PHKG2: variants seen among roughly 807,000 people sequenced by gnomAD.
The protein encoded by PHKG2 is phosphorylase kinase catalytic subunit gamma 2, also known as phosphorylase b kinase gamma catalytic chain, liver/testis isoform.
Under a neutral mutation model 44.5 loss-of-function variants are expected in PHKG2, and 28 were observed. The ratio of observed to expected loss-of-function variants is 0.63; its 90% CI spans 0.47 to 0.86. The LOEUF (loss-of-function observed/expected upper bound fraction) is 0.86, where lower values mean the gene tolerates loss of function less well. Ranked by LOEUF, PHKG2 falls within the 40% of genes least tolerant of loss-of-function variation. The pLI, the probability that PHKG2 is intolerant of heterozygous loss-of-function variation, is 0.00. For synonymous variants in PHKG2, 220 were observed against 211.2 expected (o/e 1.04, Z -0.36); for missense variants, 498 against 547.5 (o/e 0.91, Z 0.90).
Position 30,759,072 on chromosome 16 carries a change from G to C in PHKG2, c.*1975G>C. On this transcript the variant is annotated 3_prime_UTR_variant, in exon 10 of 10. Transcript: ENST00000563588. ...TCCTCTTTCTGCGGGGTAACTGCCT[G>C]CTCCTCCATCTCCTTGCTTTCTTCT... The C allele has an allele frequency of 6.2e-7, 1 of 1,614,202 alleles. No homozygotes were observed.
Position 30,759,800 on chromosome 16 carries a change from T to G in PHKG2, c.*2703T>G, listed in dbSNP as rs771119546. 2 of 1,532,356 alleles carry G rather than the reference T, an allele frequency of 1.3e-6. No individual in the cohort carries two copies. The highest frequency in any genetic ancestry group is 4.5e-5 in the East Asian group (2 of 44,126). 94.9% of individuals were successfully genotyped at this position (1,532,356 alleles called of 1,614,324 possible). ...ATTCACTTCACTCAACAGCTGTTTATGACCATGAGCTTCAGAAGCAGACAG... is the reference window on the plus strand; with the variant it reads ...ATTCACTTCACTCAACAGCTGTTTAGGACCATGAGCTTCAGAAGCAGACAG... On this transcript the variant is annotated 3_prime_UTR_variant, in exon 10 of 10. Coordinates refer to ENST00000563588, the MANE Select transcript of PHKG2 (RefSeq NM_000294.3).
At chr16:30,749,591 G>A (rs1348896408) in intron 2 of PHKG2, among the ~76,000 whole-genome samples, 1 of 152,102 alleles carries the variant, frequency 6.6e-6, no homozygotes, top group African/African-American at 2.4e-5. Flanking sequence ...TGATCTGCCC[G>A]CCTCAGCCTC....
At position 30,758,024 on chromosome 16, in the gene PHKG2, C is replaced by CTCTA; in HGVS notation, c.*927_*928insTCTA. On this transcript the variant is annotated 3_prime_UTR_variant, in exon 10 of 10. Transcript: ENST00000563588. ...AATGCTTAGAGCAGGGCATGCACTGCACACCTATTGCCAAGTATGTGCTGG... is the reference window on the plus strand; with the variant it reads ...AATGCTTAGAGCAGGGCATGCACTGCTCTAACACCTATTGCCAAGTATGTGCTGG... 1 of 191,112 alleles carries CTCTA rather than the reference C, an allele frequency of 5.2e-6. No homozygotes were observed. The highest frequency in any genetic ancestry group is 1.0e-5 in the Non-Finnish European group (1 of 96,156). 11.8% of individuals were successfully genotyped at this position (191,112 alleles called of 1,614,324 possible). A position where few individuals can be genotyped will look rare whatever the true frequency, so the allele number is the denominator to read the frequency against.
rs2053632110 is a variant in PHKG2 at position 30,759,918 on chromosome 16, AAGAC to A, written c.*2827_*2830del. Reference sequence around the variant, plus strand: ...CACTGTATGGTTTTCGGCACTGAACAAGACAGACAAGGTCCTGCCCTTACGAAGC... The same window carrying A: ...CACTGTATGGTTTTCGGCACTGAACAAGACAAGGTCCTGCCCTTACGAAGC... On this transcript the variant is annotated 3_prime_UTR_variant, in exon 10 of 10. Coordinates refer to ENST00000563588, the MANE Select transcript of PHKG2 (RefSeq NM_000294.3). 1 of 1,440,262 alleles carries A rather than the reference AAGAC, an allele frequency of 6.9e-7. No individual in the cohort carries two copies. Among genetic ancestry groups the A allele is most frequent in the East Asian group, 2.5e-5 (1 of 40,310 alleles). 89.2% of individuals were successfully genotyped at this position (1,440,262 alleles called of 1,614,324 possible).
rs775605133 is a variant in PHKG2, at chr16:30,751,290, G to A, written c.271+9G>A. ...CGGCCACCCCCACATCAGTGAGGCT[G>A]TCTTCCTTGCTCCTGTTAGCAGACG... On this transcript the variant is annotated intron_variant, in intron 3 of 9. Transcript: ENST00000563588. 4 of 1,608,016 alleles carry A rather than the reference G, an allele frequency of 2.5e-6. No homozygotes were observed. The highest frequency in any genetic ancestry group is 2.2e-5 in the South Asian group (2 of 91,080).
At chr16:30,748,771 C>A in intron 1 of PHKG2, 32 bp from the exon 2 acceptor site, 1 of 1,400,972 alleles carries the variant, frequency 7.1e-7, no homozygotes, top group Non-Finnish European at 9.8e-7. Context: ...CTGTGGGCCT[C>A]CCTGCCCTCA....
rs2053451249 is a variant in PHKG2, at chr16:30,757,336, GAAATA to G, written c.*244_*248del. The G allele has an allele frequency of 2.0e-6, 3 of 1,529,468 alleles. No homozygotes were observed. Among genetic ancestry groups the G allele is most frequent in the African/African-American group, 1.4e-5 (1 of 72,378 alleles). The allele number at this position is 1,529,468 out of a possible 1,614,324, so 94.7% of individuals were successfully genotyped here. ...GGTCAGTGCTGCATGCACTGCATAT[GAAATA>G]AAATCTGCTACACGCCAGGGAGAAC... On this transcript the variant is annotated 3_prime_UTR_variant, in exon 10 of 10. Coordinates refer to ENST00000563588, the MANE Select transcript of PHKG2 (RefSeq NM_000294.3).
intron 7 of PHKG2, 34 bp from the exon 8 acceptor site, chr16:30,756,333 A>T (rs562893484): frequency 6.2e-7 from 1 of 1,613,948 alleles, no homozygotes; most frequent in South Asian, 1.1e-5. Flanking sequence ...TCTGCCCGTC[A>T]CCTAGTCCCG....
Position 30,756,934 on chromosome 16 carries a change from G to C in PHKG2, c.1058G>C (p.Cys353Ser). ...TCAGTGCGGCACCTCATCGACAACT[G>C]TGCCTTCCGGCTCTACGGGCACTGG... ...LRSVRHLIDN[C>S]AFRLYGHWVK... is the part of the protein sequence containing the mutation. Residue 353 changes from cysteine (C) to serine (S), a missense_variant, in exon 10 of 10, where the codon TGT becomes TCT. Transcript: ENST00000563588. 6.2e-7 allele frequency: 1 copy of C among 1,613,822 alleles called. No homozygotes were observed. The highest frequency in any genetic ancestry group is 8.5e-7 in the Non-Finnish European group (1 of 1,180,016).
At position 30,748,508 on chromosome 16, in the gene PHKG2, C is replaced by T; in HGVS notation, c.-19+18C>T. The T allele has an allele frequency of 2.1e-6, 1 of 474,320 alleles. No individual in the cohort carries two copies. Among genetic ancestry groups the T allele is most frequent in the Non-Finnish European group, 3.8e-6 (1 of 261,902 alleles). 29.4% of individuals were successfully genotyped at this position (474,320 alleles called of 1,614,324 possible). A position where few individuals can be genotyped will look rare whatever the true frequency, so the allele number is the denominator to read the frequency against. On this transcript the variant is annotated intron_variant, in intron 1 of 9. Transcript: ENST00000563588. Reference sequence around the variant, plus strand: ...CCCCTCAGGTGAGCCTGCGCTAGACCCCCGTCCCCTTCCTGCGCCCGCCCG... The same window carrying T: ...CCCCTCAGGTGAGCCTGCGCTAGACTCCCGTCCCCTTCCTGCGCCCGCCCG...
intron 2 of PHKG2, among the ~76,000 whole-genome samples, chr16:30,750,780 ATCTT>A (rs10577207): frequency 0.97 from 147,001 of 152,128 alleles, 71,182 homozygotes; most frequent in Middle Eastern, 1. Flanking sequence ...GGAGACTTAG[ATCTT>A]TCTTTCCCCT....
rs775246080 is a variant in PHKG2, at chr16:30,753,405, G to A, written c.404G>A (p.Arg135Gln). ...TCCCCTTCCCCCAGGTCCATCATGC[G>A]GTCTCTGCTGGAAGCAGTGAGCTTT... ...LSEKETRSIMRSLLEAVSFLH... is the reference protein window; with the variant it reads ...LSEKETRSIMQSLLEAVSFLH... The change falls in exon 6 of 10, where the codon CGG becomes CAG. Residue 135 changes from arginine to glutamine, a missense_variant. By Grantham distance (43) the Arg-to-Gln change is conservative. Transcript: ENST00000563588. 11 of 1,614,058 alleles carry A rather than the reference G, an allele frequency of 6.8e-6. No homozygotes were observed. The highest frequency in any genetic ancestry group is 9.3e-6 in the Non-Finnish European group (11 of 1,180,040).
In PHKG2 at chr16:30,757,506, A is replaced by C; in HGVS notation, c.*409A>C. ...TGGTCTTGCTCTTGCCTTTACCCGG[A>C]GGTAGCTGGAAGGGCCGCTCTAGTG... On this transcript the variant is annotated 3_prime_UTR_variant, in exon 10 of 10. Transcript: ENST00000563588. The C allele has an allele frequency of 6.2e-7, 1 of 1,614,014 alleles. No individual in the cohort carries two copies. Among genetic ancestry groups the C allele is most frequent in the Non-Finnish European group, 8.5e-7 (1 of 1,179,956 alleles).
Position 30,757,677 on chromosome 16 carries a change from G to T in PHKG2, c.*580G>T. 1 of 1,599,422 alleles carries T rather than the reference G, an allele frequency of 6.3e-7. No individual in the cohort carries two copies. ...GGCCTGCAGGGGCAGGGAAGAAGGG[G>T]CAGGGTGAGGAGAGATGCTGTCTGG... On this transcript the variant is annotated 3_prime_UTR_variant, in exon 10 of 10. Coordinates refer to ENST00000563588, the MANE Select transcript of PHKG2 (RefSeq NM_000294.3).
At chr16:30,749,296 G>C (rs2053313692) in intron 2 of PHKG2, among the ~76,000 whole-genome samples, 1 of 137,608 alleles carries the variant, frequency 7.3e-6, no homozygotes, top group African/African-American at 2.7e-5. Flanking sequence ...GTGTGTGTGT[G>C]TCTTTCAAGT....
At chr16:30,751,457 A>C in intron 3 of PHKG2, 92 bp from the exon 4 acceptor site, 3 of 1,320,182 alleles carry the variant, frequency 2.3e-6, no homozygotes, top group Non-Finnish European at 3.3e-6. Context: ...TCCCAGTAAC[A>C]GCCCGCTGCT....
intron 1 of PHKG2, 104 bp from the exon 2 acceptor site, chr16:30,748,699 C>G: frequency 2.0e-6 from 1 of 493,096 alleles, no homozygotes; most frequent in Non-Finnish European, 3.7e-6. Flanking sequence ...CCCCCCAGGA[C>G]CCTGGCGCCC....
rs1218168744 is a variant in PHKG2 at position 30,749,133 on chromosome 16, GTGGTGC to G, written c.95+230_95+235del. ...GCTGGTGGTGCTGGTGCTGGTGGTG[GTGGTGC>G]TGGTGCTGGTGGTGGTGCTGGTGGT... On this transcript the variant is annotated intron_variant, in intron 2 of 9. Transcript: ENST00000563588. 4.6e-3 allele frequency among the ~76,000 whole-genome samples: 587 copies of G among 128,318 alleles called. 77 individuals carry two copies. Among genetic ancestry groups the G allele is most frequent in the Non-Finnish European group, 7.0e-3 (419 of 60,096 alleles). 84.2% of individuals were successfully genotyped at this position (128,318 alleles called of 152,430 possible).
In PHKG2 at chr16:30,748,876, A is replaced by G. The variant is rs1211196259; in HGVS notation, c.56A>G (p.Glu19Gly). 1.9e-6 allele frequency: 3 copies of G among 1,554,826 alleles called. No individual in the cohort carries two copies. The South Asian group carries it at 3.6e-5, about 18-fold the overall frequency. The change falls in exon 2 of 10, where the codon GAG becomes GGG. Residue 19 changes from glutamate (E) to glycine (G), a missense_variant. Physicochemically the swap from Glu to Gly is moderately conservative, Grantham distance 98. Coordinates refer to ENST00000563588, the MANE Select transcript of PHKG2 (RefSeq NM_000294.3). ...CTGCCCGACTGGGCCGCCGCCAAAGAGTTTTACCAGAAGTACGACCCTAAG... is the reference window on the plus strand; with the variant it reads ...CTGCCCGACTGGGCCGCCGCCAAAGGGTTTTACCAGAAGTACGACCCTAAG... Reference protein sequence around the residue: ...DELPDWAAAKEFYQKYDPKDV... With the variant: ...DELPDWAAAKGFYQKYDPKDV...
Sources: gnomAD v4.1 joint callset for allele counts (sites outside exome capture counted in the v4.1 genomes callset) on GRCh38, gnomAD v4.1.1 for gene constraint, MANE v1.5 for transcripts, NCBI Gene and HGNC (gene_info 2026-07-23, HGNC 2026-07-21) for gene names.